Variants in OR1A1 observed in about 807,000 individuals in gnomAD.
OR1A1 encodes the protein olfactory receptor 1A1.
For missense variants in OR1A1, 391 were observed against 379.9 expected, an observed-to-expected ratio of 1.03 and a Z score of -0.24; for synonymous variants, 145 against 147.8, an observed-to-expected ratio of 0.98 and a Z score of 0.13.
rs1178278413 is a variant in OR1A1 at position 3,216,976 on chromosome 17, T to C, written c.*426T>C. On this transcript the variant is annotated 3_prime_UTR_variant, in exon 4 of 4. Transcript: ENST00000641732. ...TAAGTTTAATCACCCTTATTAGGCTTGCAAGCCTCTGAGGGCAGGAGTTGT... is the reference window on the plus strand; with the variant it reads ...TAAGTTTAATCACCCTTATTAGGCTCGCAAGCCTCTGAGGGCAGGAGTTGT... The C allele has an allele frequency of 1.9e-5, 3 of 159,802 alleles. No homozygotes were observed. The highest frequency in any genetic ancestry group is 7.2e-5 in the African/African-American group (3 of 41,570). The allele number at this position is 159,802 out of a possible 1,614,324, so 9.9% of individuals were successfully genotyped here.
At chr17:3,210,063 A>AG (rs35050965) in intron 2 of OR1A1, among the ~76,000 whole-genome samples, 37,975 of 152,012 alleles carry the variant, frequency 0.25, 5,540 homozygotes, top group East Asian at 0.57. Flanking sequence ...TTCACTACTA[A>AG]AAAATAGCAC....
Position 3,216,480 on chromosome 17 carries a change from T to A in OR1A1, c.860T>A (p.Ile287Asn), listed in dbSNP as rs2048470575. 1 of 1,614,012 alleles carries A rather than the reference T, an allele frequency of 6.2e-7. No individual in the cohort carries two copies. Among genetic ancestry groups the A allele is most frequent in the Non-Finnish European group, 8.5e-7 (1 of 1,179,998 alleles). Reference sequence around the variant, plus strand: ...GTGACCCCAATGTTAAATCCTTTCATCTACAGTCTGAGAAATCGGGACATG... The same window carrying A: ...GTGACCCCAATGTTAAATCCTTTCAACTACAGTCTGAGAAATCGGGACATG... ...TAVTPMLNPF[I>N]YSLRNRDMKA... is the part of the protein sequence containing the mutation. The change falls in exon 4 of 4, where the codon ATC becomes AAC. Residue 287 changes from isoleucine (I) to asparagine (N), a missense_variant. Ile to Asn is a moderately radical substitution (Grantham distance 149). Coordinates refer to ENST00000641732, the MANE Select transcript of OR1A1 (RefSeq NM_014565.3).
chr17:3,213,156 C>A (rs777149233), intron 3 of OR1A1: 1 of 152,198 alleles, frequency 6.6e-6, no homozygotes, highest in Non-Finnish European at 1.5e-5. Context: ...ATGTCTGGCC[C>A]CCAGGTAGCC....
chr17:3,217,632 C>A lies in OR1A1; in HGVS notation c.*1082C>A, dbSNP rs1305043527. The stretch of plus-strand genomic sequence containing the variant: ...CCTCACAAATAACACCACACATCTA[C>A]AACCATCTGATCTTTGACAAACCTG... On this transcript the variant is annotated 3_prime_UTR_variant, in exon 4 of 4. Coordinates refer to ENST00000641732, the MANE Select transcript of OR1A1 (RefSeq NM_014565.3). 6.6e-6 allele frequency: 1 copy of A among 152,150 alleles called. No individual in the cohort carries two copies. Among genetic ancestry groups the A allele is most frequent in the African/African-American group, 2.4e-5 (1 of 41,442 alleles). 9.4% of individuals were successfully genotyped at this position (152,150 alleles called of 1,614,324 possible).
rs2048464784 is a variant in OR1A1 at position 3,215,831 on chromosome 17, ATCT to A, written c.218_220del (p.Phe73del). On this transcript the variant is annotated inframe_deletion, in exon 4 of 4. Transcript: ENST00000641732. ...CCTTGCCAACCTCTCCTTGGTTGAC[ATCT>A]TCTTCTCATCGGTAACCATCCCTAA... is the stretch of plus-strand genomic sequence containing the variant. 1 of 1,613,992 alleles carries A rather than the reference ATCT, an allele frequency of 6.2e-7. No individual in the cohort carries two copies. The highest frequency in any genetic ancestry group is 1.3e-5 in the African/African-American group (1 of 74,888).
rs2048477597 is a variant in OR1A1, at chr17:3,217,778, C to T, written c.*1228C>T. Reference sequence around the variant, plus strand: ...CTTACATCTTATACAAAAATTAACTCAAGATGGATTAAAGGCTTAAACGTA... The same window carrying T: ...CTTACATCTTATACAAAAATTAACTTAAGATGGATTAAAGGCTTAAACGTA... On this transcript the variant is annotated 3_prime_UTR_variant, in exon 4 of 4. Coordinates refer to ENST00000641732, the MANE Select transcript of OR1A1 (RefSeq NM_014565.3). 6.6e-6 allele frequency: 1 copy of T among 152,134 alleles called. No individual in the cohort carries two copies. Among genetic ancestry groups the T allele is most frequent in the South Asian group, 2.1e-4 (1 of 4,832 alleles). The allele number at this position is 152,134 out of a possible 1,614,324, so 9.4% of individuals were successfully genotyped here. A position where few individuals can be genotyped will look rare whatever the true frequency, so the allele number is the denominator to read the frequency against.
chr17:3,210,134 C>T (rs2048434296), intron 2 of OR1A1, among the ~76,000 whole-genome samples: 1 of 149,740 alleles, frequency 6.7e-6, no homozygotes, highest in African/African-American at 2.5e-5. Flanking sequence ...TGACAATGCA[C>T]ATGTGCCCGT....
rs146607947 is a variant in OR1A1, at chr17:3,216,428, G to C, written c.808G>C (p.Ala270Pro). Residue 270 changes from alanine (A) to proline (P), a missense_variant, in exon 4 of 4, where the codon GCA becomes CCA. By Grantham distance (27) the Ala-to-Pro change is conservative. Transcript: ENST00000641732. ...TTTGACCAATTATAGCCTAAAAGAC[G>C]CAGTGATCACTGTAATGTACACGGC... ...RPLTNYSLKD[A>P]VITVMYTAVT... 45 of 1,614,020 alleles carry C rather than the reference G, an allele frequency of 2.8e-5. No homozygotes were observed. Among genetic ancestry groups the C allele is most frequent in the African/African-American group, 2.7e-4 (20 of 74,916 alleles).
At position 3,215,434 on chromosome 17, in the gene OR1A1, T is replaced by C. The variant is rs375598588; in HGVS notation, c.-5-182T>C. 5.9e-5 allele frequency among the ~76,000 whole-genome samples: 9 copies of C among 152,318 alleles called. No homozygotes were observed. In the East Asian group the frequency reaches 1.3e-3, roughly 23 times the overall value. On this transcript the variant is annotated intron_variant, in intron 3 of 3. Coordinates refer to ENST00000641732, the MANE Select transcript of OR1A1 (RefSeq NM_014565.3). ...TTAGACATGACTATAAAGGGGTGAA[T>C]GACAATTAGTCCTATTGACCTACAG...
At chr17:3,212,239 G>T (rs190057821) in intron 2 of OR1A1, among the ~76,000 whole-genome samples, 2 of 144,896 alleles carry the variant, frequency 1.4e-5, no homozygotes, top group Admixed American at 1.4e-4. Flanking sequence ...ACTGTATCAA[G>T]GGGCATAAAG....
In OR1A1 at chr17:3,217,037, G is replaced by T. The variant is rs2150597950; in HGVS notation, c.*487G>T. 6.5e-6 allele frequency: 1 copy of T among 153,198 alleles called. No individual in the cohort carries two copies. The highest frequency in any genetic ancestry group is 2.4e-5 in the African/African-American group (1 of 41,584). 9.5% of individuals were successfully genotyped at this position (153,198 alleles called of 1,614,324 possible). ...CACTGTACCTTCCCAATCTTGGTCA[G>T]ATAAAGTGCATCCAATAAATACTGG... On this transcript the variant is annotated 3_prime_UTR_variant, in exon 4 of 4. Transcript: ENST00000641732.
intron 1 of OR1A1, among the ~76,000 whole-genome samples, chr17:3,208,372 C>T (rs767116719): frequency 9.9e-5 from 15 of 151,960 alleles, no homozygotes; most frequent in South Asian, 6.2e-4. Context: ...TAAGAGAGAG[C>T]GAGAGCACCT....
At chr17:3,210,954 T>C (rs2048438529) in intron 2 of OR1A1, among the ~76,000 whole-genome samples, 1 of 152,186 alleles carries the variant, frequency 6.6e-6, no homozygotes, top group South Asian at 2.1e-4. Context: ...CCTATCTTGA[T>C]AGCATACACA....
Position 3,216,400 on chromosome 17 carries a change from C to T in OR1A1, c.780C>T (p.Arg260=), listed in dbSNP as rs1003200926. The change falls in exon 4 of 4, where the codon CGC becomes CGT. Residue 260 remains arginine (R), a synonymous_variant. Transcript: ENST00000641732. ...GTACAGTCATGGGCACGTATTTCCGCCCTTTGACCAATTATAGCCTAAAAG... is the reference window on the plus strand; with the variant it reads ...GTACAGTCATGGGCACGTATTTCCGTCCTTTGACCAATTATAGCCTAAAAG... ...YYGTVMGTYF[R]PLTNYSLKDA... is the part of the protein sequence containing the mutation. 1.2e-6 allele frequency: 2 copies of T among 1,614,064 alleles called. No individual in the cohort carries two copies. Among genetic ancestry groups the T allele is most frequent in the Non-Finnish European group, 8.5e-7 (1 of 1,180,040 alleles).
chr17:3,209,668 G>A (rs2048432045), intron 2 of OR1A1, among the ~76,000 whole-genome samples: 2 of 152,074 alleles, frequency 1.3e-5, no homozygotes, highest in Non-Finnish European at 1.5e-5. Context: ...CACTTGAGCG[G>A]CAGATTCAGG....
intron 3 of OR1A1, chr17:3,215,290 C>A (rs553079312): frequency 3.8e-6 from 1 of 266,096 alleles, no homozygotes; most frequent in Non-Finnish European, 7.1e-6. Context: ...TGAGGTCTAA[C>A]AAAGTGACTA....
At position 3,216,349 on chromosome 17, in the gene OR1A1, C is replaced by T. The variant is rs747374154; in HGVS notation, c.729C>T (p.His243=). 6.2e-7 allele frequency: 1 copy of T among 1,614,126 alleles called. No individual in the cohort carries two copies. The highest frequency in any genetic ancestry group is 2.2e-5 in the East Asian group (1 of 44,902). ...VLKAFSTCGS[H]LTVVSLYYGT... is the part of the protein sequence containing the mutation. ...AGGCCTTCTCCACCTGTGGTTCCCA[C>T]CTCACGGTTGTCTCTTTGTATTATG... Residue 243 remains histidine, a synonymous_variant, in exon 4 of 4, where the codon CAC becomes CAT. Coordinates refer to ENST00000641732, the MANE Select transcript of OR1A1 (RefSeq NM_014565.3).
rs1567526557 is a variant in OR1A1 at position 3,217,740 on chromosome 17, A to C, written c.*1190A>C. 6.6e-6 allele frequency: 1 copy of C among 152,204 alleles called. No homozygotes were observed. The highest frequency in any genetic ancestry group is 1.5e-5 in the Non-Finnish European group (1 of 68,038). 9.4% of individuals were successfully genotyped at this position (152,204 alleles called of 1,614,324 possible). A position where few individuals can be genotyped will look rare whatever the true frequency, so the allele number is the denominator to read the frequency against. ...GGCTAGCCATATGCAGAAAAATGAA[A>C]CTGGACCCCTTTCTTACATCTTATA... On this transcript the variant is annotated 3_prime_UTR_variant, in exon 4 of 4. Transcript: ENST00000641732.
rs2048481587 is a variant in OR1A1, at chr17:3,218,438, T to C, written c.*1888T>C. ...TACTGGGTATATACCTAAAGGATTA[T>C]AAATCATTCTACTATAAAGACACAT... On this transcript the variant is annotated 3_prime_UTR_variant, in exon 4 of 4. Transcript: ENST00000641732. 1 of 152,242 alleles carries C rather than the reference T, an allele frequency of 6.6e-6. No individual in the cohort carries two copies. Among genetic ancestry groups the C allele is most frequent in the South Asian group, 2.1e-4 (1 of 4,828 alleles). The allele number at this position is 152,242 out of a possible 1,614,324, so 9.4% of individuals were successfully genotyped here.
Sources: gnomAD v4.1 joint callset for allele counts (sites outside exome capture counted in the v4.1 genomes callset) on GRCh38, gnomAD v4.1.1 for gene constraint, MANE v1.5 for transcripts, NCBI Gene and HGNC (gene_info 2026-07-23, HGNC 2026-07-21) for gene names.